Variants in PRIMA1 observed in about 807,000 individuals in gnomAD.
PRIMA1 encodes the protein proline rich membrane anchor 1.
Under a neutral mutation model 17.5 loss-of-function variants are expected in PRIMA1, and 7 were observed. That is an observed-to-expected ratio of 0.40 (90% CI 0.23 to 0.75). PRIMA1 has a LOEUF of 0.75. Among genes scored for constraint, PRIMA1 ranks in the 30% least tolerant of loss-of-function variants. The probability of loss-of-function intolerance (pLI) is 0.37; values close to 1 mark genes in which losing one functional copy is unlikely to be tolerated. For missense variants in PRIMA1, 200 were observed against 201.8 expected (o/e 0.99, Z 0.05); for synonymous variants, 97 against 77.9 (o/e 1.25, Z -1.29).
intron 2 of PRIMA1, among the ~76,000 whole-genome samples, chr14:93,785,943 G>C (rs1163624048): frequency 1.3e-5 from 2 of 151,912 alleles, no homozygotes; most frequent in African/African-American, 4.8e-5. Context: ...AGTACTGCCT[G>C]GCTGAAGGAC....
chr14:93,780,819 G>A (rs10873438), intron 2 of PRIMA1, among the ~76,000 whole-genome samples: 99,077 of 152,088 alleles, frequency 0.65, 32,509 homozygotes, highest in Admixed American at 0.74. Flanking sequence ...TGCCTGTCCC[G>A]GGGAACAAGC....
At chr14:93,747,846 TGTGTGTATGA>T (rs2076231379) in intron 3 of PRIMA1, among the ~76,000 whole-genome samples, 2 of 147,434 alleles carry the variant, frequency 1.4e-5, no homozygotes, top group South Asian at 2.2e-4. Flanking sequence ...AGTGTATGAG[TGTGTGTATGA>T]GTGTGTGTGA....
intron 2 of PRIMA1, among the ~76,000 whole-genome samples, chr14:93,784,950 G>A (rs1029615937): frequency 6.6e-6 from 1 of 152,140 alleles, no homozygotes; most frequent in African/African-American, 2.4e-5. Flanking sequence ...CAAAGCTGCA[G>A]AGACTGACCA....
intron 3 of PRIMA1, among the ~76,000 whole-genome samples, chr14:93,755,289 T>C (rs1392225006): frequency 6.6e-6 from 1 of 152,202 alleles, no homozygotes; most frequent in Admixed American, 6.5e-5. Context: ...GACTGTGAGA[T>C]GCAGTGCACA....
At chr14:93,755,524 C>A (rs1167569516) in intron 3 of PRIMA1, among the ~76,000 whole-genome samples, 1 of 152,110 alleles carries the variant, frequency 6.6e-6, no homozygotes, top group African/African-American at 2.4e-5. Context: ...GAATGGGGTT[C>A]TTTGTGGTCT....
chr14:93,785,880 GCACACACACAGACACCCCTGCATACA>G (rs1885510120), intron 2 of PRIMA1, among the ~76,000 whole-genome samples: 1 of 150,502 alleles, frequency 6.6e-6, no homozygotes, highest in African/African-American at 2.4e-5. Context: ...ACACACCCCT[GCACACACACAGACACCCCTGCATACA>G]CACACACACA....
At chr14:93,732,722 T>C (rs2141157031) in intron 4 of PRIMA1, among the ~76,000 whole-genome samples, 1 of 152,194 alleles carries the variant, frequency 6.6e-6, no homozygotes. Flanking sequence ...CGATCCAGGA[T>C]GGGGACACAA....
At chr14:93,784,761 C>G (rs1885473680) in intron 2 of PRIMA1, among the ~76,000 whole-genome samples, 1 of 152,182 alleles carries the variant, frequency 6.6e-6, no homozygotes, top group African/African-American at 2.4e-5. Flanking sequence ...TTCTATGACT[C>G]TTGCCCCGGG....
rs1291861731 is a variant in PRIMA1, at chr14:93,737,369, A to G, written c.231T>C (p.Ala77=). The G allele has an allele frequency of 1.9e-6, 3 of 1,613,804 alleles. No individual in the cohort carries two copies. The highest frequency in any genetic ancestry group is 2.5e-6 in the Non-Finnish European group (3 of 1,179,870). ...CAGTGGGGCAAGAGGTAGAGTTGGG[A>G]GCTGAAAAAGACAGGAGCAGCCTGA... ...PPPPRLLSAP[A]PNSTSCPTEE... The change falls in exon 4 of 5, where the codon GCT becomes GCC. Residue 77 remains alanine (A), a splice_region_variant and synonymous_variant. Coordinates refer to ENST00000393140, the MANE Select transcript of PRIMA1 (RefSeq NM_178013.4).
intron 3 of PRIMA1, among the ~76,000 whole-genome samples, chr14:93,758,238 G>A (rs112053799): frequency 0.024 from 3,693 of 152,136 alleles, 157 homozygotes; most frequent in African/African-American, 0.083. Context: ...CTTTAAAGAC[G>A]CGGCCTAAAT....
intron 3 of PRIMA1, among the ~76,000 whole-genome samples, chr14:93,752,045 G>T (rs1408976263): frequency 1.3e-5 from 2 of 152,134 alleles, no homozygotes; most frequent in Admixed American, 1.3e-4. Context: ...GTATTGGGCC[G>T]TCCAGAGTGT....
At chr14:93,773,950 C>T (rs920163937) in intron 3 of PRIMA1, among the ~76,000 whole-genome samples, 1 of 152,084 alleles carries the variant, frequency 6.6e-6, no homozygotes, top group Non-Finnish European at 1.5e-5. Flanking sequence ...AACTTAGCCA[C>T]GTGTGGCGGC....
intron 3 of PRIMA1, among the ~76,000 whole-genome samples, chr14:93,742,418 G>A (rs2076189900): frequency 6.6e-6 from 1 of 152,240 alleles, no homozygotes; most frequent in Admixed American, 6.5e-5. Context: ...CCAGTGGTGA[G>A]CAAATACACC....
intron 3 of PRIMA1, among the ~76,000 whole-genome samples, chr14:93,762,433 G>A (rs868213972): frequency 9.9e-5 from 15 of 151,934 alleles, no homozygotes; most frequent in Middle Eastern, 3.4e-3. Context: ...CCAATCCCAG[G>A]CCCACTCCAG....
chr14:93,755,587 T>C (rs1299083829), intron 3 of PRIMA1, among the ~76,000 whole-genome samples: 6 of 152,226 alleles, frequency 3.9e-5, no homozygotes, highest in Admixed American at 1.3e-4. Context: ...AGAAATATCG[T>C]TGGGCACTGG....
intron 4 of PRIMA1, among the ~76,000 whole-genome samples, chr14:93,730,840 A>T (rs1427481860): frequency 6.6e-6 from 1 of 152,170 alleles, no homozygotes; most frequent in East Asian, 1.9e-4. Flanking sequence ...GAAATAATCA[A>T]GCTAAGGAGA....
At chr14:93,760,100 A>C (rs1381946087) in intron 3 of PRIMA1, among the ~76,000 whole-genome samples, 2 of 152,242 alleles carry the variant, frequency 1.3e-5, no homozygotes, top group Admixed American at 6.5e-5. Context: ...GAGGCAGCAT[A>C]AATCAAGCCC....
chr14:93,737,306 G>C lies in PRIMA1; in HGVS notation c.294C>G (p.Ala98=). Residue 98 remains alanine (A), a synonymous_variant, in exon 4 of 5, where the codon GCC becomes GCG. Transcript: ENST00000393140. ...GAAACACCAGGGAGGCACAGCATAC[G>C]GCAATGATGATCACCAGCCCCGACC... The part of the protein sequence containing the change: ...SWWSGLVIII[A]VCCASLVFLT... The C allele has an allele frequency of 6.2e-7, 1 of 1,614,114 alleles. No individual in the cohort carries two copies. The highest frequency in any genetic ancestry group is 8.5e-7 in the Non-Finnish European group (1 of 1,180,020).
Position 93,721,322 on chromosome 14 carries a change from C to T in PRIMA1, c.*122G>A. ...ACAATGGTTTCTCCTTCGGGAGGCT[C>T]AGGGCCTGTGAGGCAATGAAGTCCT... On this transcript the variant is annotated 3_prime_UTR_variant, in exon 5 of 5. Coordinates refer to ENST00000393140, the MANE Select transcript of PRIMA1 (RefSeq NM_178013.4). The T allele has an allele frequency of 1.5e-6, 1 of 650,784 alleles. No homozygotes were observed. The highest frequency in any genetic ancestry group is 2.7e-6 in the Non-Finnish European group (1 of 371,696). 40.3% of individuals were successfully genotyped at this position (650,784 alleles called of 1,614,324 possible).
Sources: allele counts gnomAD v4.1 joint callset (sites outside exome capture counted in the v4.1 genomes callset), GRCh38; gene constraint gnomAD v4.1.1; transcripts MANE v1.5; gene names NCBI Gene and HGNC (gene_info 2026-07-23, HGNC 2026-07-21).